The following ARHGAP21 variants were observed in gnomAD, a reference collection of about 807,000 sequenced individuals.
The protein encoded by ARHGAP21 is Rho GTPase activating protein 21, also known as rho GTPase-activating protein 21.
A neutral mutation model predicts 164.6 loss-of-function variants in ARHGAP21; 38 were observed. The observed-to-expected ratio is 0.23, with a 90% CI of 0.18 to 0.30. ARHGAP21 has a LOEUF of 0.30. ARHGAP21 is among the 10% of genes least tolerant of loss of function. The pLI, the probability that ARHGAP21 is intolerant of heterozygous loss-of-function variation, is 1.00. For synonymous variants in ARHGAP21, 766 were observed against 857.9 expected, an observed-to-expected ratio of 0.89 and a Z score of 1.87; for missense variants, 1,822 against 2,370.7, an observed-to-expected ratio of 0.77 and a Z score of 4.81.
chr10:24,586,313 C>T (rs1346314381), intron 25 of ARHGAP21, among the ~76,000 whole-genome samples: 3 of 152,028 alleles, frequency 2.0e-5, no homozygotes, highest in East Asian at 1.9e-4. Flanking sequence ...TTTCTTGCCT[C>T]GTGGTATTTA....
At chr10:24,640,287 A>T (rs1836864289) in intron 4 of ARHGAP21, 2 of 149,990 alleles carry the variant, frequency 1.3e-5, no homozygotes, top group South Asian at 4.2e-4. Flanking sequence ...TATAGGCTTT[A>T]AAATATATAT....
intron 2 of ARHGAP21, among the ~76,000 whole-genome samples, chr10:24,687,682 A>C (rs1842346094): frequency 6.6e-6 from 1 of 152,246 alleles, no homozygotes; most frequent in African/African-American, 2.4e-5. Context: ...CTGTGGTTAA[A>C]AACAATTACT....
At chr10:24,613,399 A>G (rs1182840042) in intron 9 of ARHGAP21, among the ~76,000 whole-genome samples, 2 of 152,128 alleles carry the variant, frequency 1.3e-5, no homozygotes, top group African/African-American at 4.8e-5. Context: ...AATATTCCCA[A>G]TTTTTACAAT....
chr10:24,702,489 T>C (rs1452212273), intron 2 of ARHGAP21, among the ~76,000 whole-genome samples: 1 of 152,152 alleles, frequency 6.6e-6, no homozygotes, highest in Non-Finnish European at 1.5e-5. Flanking sequence ...TACAACTTTT[T>C]AAAATTCACT....
At chr10:24,686,425 C>A (rs1565162435) in intron 2 of ARHGAP21, among the ~76,000 whole-genome samples, 1 of 151,858 alleles carries the variant, frequency 6.6e-6, no homozygotes, top group African/African-American at 2.4e-5. Context: ...GAGACCCTAT[C>A]TCAAATAAAT....
chr10:24,631,674 A>C (rs1835868474), intron 6 of ARHGAP21, among the ~76,000 whole-genome samples: 1 of 152,196 alleles, frequency 6.6e-6, no homozygotes, highest in South Asian at 2.1e-4. Flanking sequence ...GAGTTGGTAG[A>C]AACTGATGTT....
chr10:24,718,634 A>G (rs1343533346), intron 2 of ARHGAP21, among the ~76,000 whole-genome samples: 2 of 152,198 alleles, frequency 1.3e-5, no homozygotes, highest in Non-Finnish European at 2.9e-5. Context: ...TTCCAGAAGG[A>G]AGAGTCAACA....
intron 2 of ARHGAP21, among the ~76,000 whole-genome samples, chr10:24,696,277 T>C (rs542935371): frequency 3.5e-4 from 54 of 152,264 alleles, no homozygotes; most frequent in African/African-American, 1.2e-3. Context: ...CACAGAGTCC[T>C]GGAGAAGAAA....
At chr10:24,710,915 G>T (rs150085956) in intron 2 of ARHGAP21, among the ~76,000 whole-genome samples, 6 of 152,000 alleles carry the variant, frequency 3.9e-5, no homozygotes, top group South Asian at 2.1e-4. Context: ...CCAACATGGC[G>T]AAACCCCATC....
At chr10:24,712,182 C>G (rs1409938554) in intron 2 of ARHGAP21, among the ~76,000 whole-genome samples, 1 of 152,144 alleles carries the variant, frequency 6.6e-6, no homozygotes, top group Non-Finnish European at 1.5e-5. Flanking sequence ...TCCCAAAGTG[C>G]TGGGATTACA....
chr10:24,624,527 G>A (rs968610921), intron 7 of ARHGAP21, among the ~76,000 whole-genome samples: 35 of 151,362 alleles, frequency 2.3e-4, no homozygotes, highest in African/African-American at 8.5e-4. Flanking sequence ...TTTAATGGAG[G>A]TGGGGTTTCA....
At chr10:24,634,103 A>G (rs1461959018) in intron 5 of ARHGAP21, among the ~76,000 whole-genome samples, 1 of 151,940 alleles carries the variant, frequency 6.6e-6, no homozygotes, top group African/African-American at 2.4e-5. Context: ...TTATCACAGC[A>G]TATCTCCACT....
At chr10:24,590,364 A>G in intron 24 of ARHGAP21, 4 of 1,535,360 alleles carry the variant, frequency 2.6e-6, no homozygotes, top group Non-Finnish European at 3.5e-6. Context: ...TTCTGCAGAC[A>G]AGGCAGCTAC....
chr10:24,653,103 C>T (rs1021019039), intron 4 of ARHGAP21, among the ~76,000 whole-genome samples: 8 of 152,080 alleles, frequency 5.3e-5, no homozygotes, highest in Non-Finnish European at 1.0e-4. Context: ...ATAAAAAATA[C>T]CCATTTTAAG....
chr10:24,599,155 T>C (rs1478938025), intron 14 of ARHGAP21, among the ~76,000 whole-genome samples: 1 of 152,220 alleles, frequency 6.6e-6, no homozygotes, highest in Non-Finnish European at 1.5e-5. Context: ...TTCACATGCA[T>C]TATCTCATTC....
intron 2 of ARHGAP21, among the ~76,000 whole-genome samples, chr10:24,692,675 T>C (rs1373638855): frequency 3.3e-5 from 5 of 151,916 alleles, no homozygotes; most frequent in Non-Finnish European, 5.9e-5. Flanking sequence ...CTACTAAAAA[T>C]ACAAAAAGTA....
Position 24,620,540 on chromosome 10 carries a change from T to A in ARHGAP21, c.1355A>T (p.Gln452Leu). ...TSHDRVPQSV[Q>L]IRQRSVSQER... is the part of the protein sequence containing the mutation. ...TTGGGACACACTGCGTTGCCGTATC[T>A]GGACAGACTGGGGCACTCGATCATG... Residue 452 changes from glutamine (Q) to leucine (L), a missense_variant, in exon 9 of 26, where the codon CAG becomes CTG. Around this residue, in one of 5 missense-constraint regions of ARHGAP21, gnomAD observed 1,090 missense variants for 1,378.9 expected, o/e 0.79. Transcript: ENST00000396432. 6.2e-7 allele frequency: 1 copy of A among 1,613,698 alleles called. No individual in the cohort carries two copies. The highest frequency in any genetic ancestry group is 8.5e-7 in the Non-Finnish European group (1 of 1,179,806).
At position 24,585,418 on chromosome 10, in the gene ARHGAP21, C is replaced by T. The variant is rs1483903977; in HGVS notation, c.4871G>A (p.Ser1624Asn). 6 of 1,613,994 alleles carry T rather than the reference C, an allele frequency of 3.7e-6. No individual in the cohort carries two copies. The highest frequency in any genetic ancestry group is 3.3e-5 in the South Asian group (3 of 91,088). ...SKGDEADDER[S>N]ELISEGRPVE... ...AGGCCGCCCTTCACTGATGAGTTCG[C>T]TTCTCTCGTCATCTGCCTCGTCCCC... Residue 1624 changes from serine (S) to asparagine (N), a missense_variant, in exon 26 of 26, where the codon AGC (serine) becomes AAC (asparagine). By Grantham distance (46) the Ser-to-Asn change is conservative (BLOSUM62 1). This residue lies in a region of ARHGAP21 where 333 missense variants were observed against 383.9 expected (regional missense o/e 0.87). Coordinates refer to ENST00000396432, the MANE Select transcript of ARHGAP21 (RefSeq NM_020824.4).
At chr10:24,673,265 A>T (rs1056313372) in intron 2 of ARHGAP21, among the ~76,000 whole-genome samples, 15 of 152,332 alleles carry the variant, frequency 9.8e-5, no homozygotes, top group African/African-American at 2.6e-4. Context: ...CAAAGTTGGA[A>T]CACTCAGACT....
Sources: gnomAD v4.1 joint callset for allele counts (sites outside exome capture counted in the v4.1 genomes callset) on GRCh38, gnomAD v4.1.1 for gene constraint, gnomAD v4.1.1 regional missense constraint, MANE v1.5 for transcripts, NCBI Gene and HGNC (gene_info 2026-07-23, HGNC 2026-07-21) for gene names.